Variants in PROSER2 observed in about 807,000 individuals in gnomAD.
The protein encoded by PROSER2 is proline and serine rich 2, also known as proline and serine-rich protein 2.
PROSER2 carries 18 observed loss-of-function variants against 14.6 expected under a neutral mutation model. The ratio of observed to expected loss-of-function variants is 1.23; its 90% CI spans 0.85 to 1.83. PROSER2 has a LOEUF of 1.83. Among genes scored for constraint, PROSER2 ranks in the 40% most tolerant of loss-of-function variants. The probability of loss-of-function intolerance (pLI) is 0.00; values close to 1 mark genes in which losing one functional copy is unlikely to be tolerated. For missense variants in PROSER2, 823 were observed against 629.8 expected (o/e 1.31, Z -3.28); for synonymous variants, 367 against 286.4 (o/e 1.28, Z -2.84).
chr10:11,870,661 TGA>T lies in PROSER2; in HGVS notation c.*266_*267del, dbSNP rs578159868. On this transcript the variant is annotated 3_prime_UTR_variant, in exon 4 of 4. Coordinates refer to ENST00000277570, the MANE Select transcript of PROSER2 (RefSeq NM_153256.4). ...GGCTTGTCTCCCTTTTCCCAAGAAC[TGA>T]GAGAGAGAGAATAACCTGTTAGACC... 127 of 424,154 alleles carry T rather than the reference TGA, an allele frequency of 3.0e-4. No individual in the cohort carries two copies. Among genetic ancestry groups the T allele is most frequent in the Middle Eastern group, 6.2e-4 (1 of 1,622 alleles). The allele number at this position is 424,154 out of a possible 1,614,324, so 26.3% of individuals were successfully genotyped here. A position where few individuals can be genotyped will look rare whatever the true frequency, so the allele number is the denominator to read the frequency against.
chr10:11,841,576 A>T (rs186186563), intron 1 of PROSER2, among the ~76,000 whole-genome samples: 19 of 152,202 alleles, frequency 1.2e-4, no homozygotes, highest in African/African-American at 4.6e-4. Flanking sequence ...ACAGGTTTCG[A>T]TAGGTAGCGT....
At chr10:11,847,887 G>C (rs554971282) in intron 1 of PROSER2, among the ~76,000 whole-genome samples, 2 of 152,172 alleles carry the variant, frequency 1.3e-5, no homozygotes, top group Admixed American at 6.5e-5. Context: ...CATCTTCATC[G>C]TCTCTTTTGT....
At position 11,836,576 on chromosome 10, in the gene PROSER2, G is replaced by T. The variant is rs1367799057; in HGVS notation, c.-82+13106G>T. On this transcript the variant is annotated intron_variant, in intron 1 of 3. Transcript: ENST00000277570. This position sits in a 1 kb window ranked among gnomAD's most constrained non-coding sequence, Gnocchi z 4.6. ...GGAACAAATCTTCACAAAATTCATGGTATGCACGCCGGCCCCTTCCTAGCG... is the reference window on the plus strand; with the variant it reads ...GGAACAAATCTTCACAAAATTCATGTTATGCACGCCGGCCCCTTCCTAGCG... 1.3e-5 allele frequency among the ~76,000 whole-genome samples: 2 copies of T among 152,132 alleles called. No homozygotes were observed. Among genetic ancestry groups the T allele is most frequent in the African/African-American group, 4.8e-5 (2 of 41,430 alleles).
rs768617268 is a variant in PROSER2 at position 11,830,201 on chromosome 10, G to A, written c.-82+6731G>A. ...TCCATGGACCTTCCCACCTTTTGGA[G>A]TCTCCCGTGTCCATTATTTCACTCT... On this transcript the variant is annotated intron_variant, in intron 1 of 3. Coordinates refer to ENST00000277570, the MANE Select transcript of PROSER2 (RefSeq NM_153256.4). This position sits in a 1 kb window ranked among gnomAD's most constrained non-coding sequence, Gnocchi z 4.5. Among the ~76,000 whole-genome samples the A allele has an allele frequency of 4.6e-5, 7 of 152,110 alleles. No individual in the cohort carries two copies. The highest frequency in any genetic ancestry group is 7.4e-5 in the Non-Finnish European group (5 of 68,016).
rs770912396 is a variant in PROSER2, at chr10:11,870,203, C to A, written c.1105C>A (p.Arg369Ser). The change falls in exon 4 of 4, where the codon CGC becomes AGC. Residue 369 changes from arginine to serine, a missense_variant. Arg to Ser is a moderately radical substitution (Grantham distance 110). Transcript: ENST00000277570. ...FAPAGKSLCF[R>S]PGPALPSTRA... is the part of the protein sequence containing the mutation. ...GCCCGCTGGGAAGTCCCTCTGCTTC[C>A]GCCCTGGCCCGGCCCTGCCCAGCAC... is the stretch of plus-strand genomic sequence containing the variant. 2 of 1,489,564 alleles carry A rather than the reference C, an allele frequency of 1.3e-6. No homozygotes were observed. Among genetic ancestry groups the A allele is most frequent in the Non-Finnish European group, 1.8e-6 (2 of 1,127,012 alleles). The allele number at this position is 1,489,564 out of a possible 1,614,324, so 92.3% of individuals were successfully genotyped here. A position where few individuals can be genotyped will look rare whatever the true frequency, so the allele number is the denominator to read the frequency against.
At chr10:11,858,640 A>T (rs970137946) in intron 2 of PROSER2, among the ~76,000 whole-genome samples, 1 of 152,192 alleles carries the variant, frequency 6.6e-6, no homozygotes, top group African/African-American at 2.4e-5. Flanking sequence ...GTAAAAATAC[A>T]TTGCTCACAT....
rs370513756 is a variant in PROSER2 at position 11,826,300 on chromosome 10, C to T, written c.-82+2830C>T. 1.1e-4 allele frequency among the ~76,000 whole-genome samples: 16 copies of T among 152,254 alleles called. 1 individual carries two copies. Among genetic ancestry groups the T allele is most frequent in the Admixed American group, 7.2e-4 (11 of 15,290 alleles). The stretch of plus-strand genomic sequence containing the variant: ...CAGATGAATGACTTTGGGTTGTTTC[C>T]ACCTTTTGGCTATTGTGAATAGTAC... On this transcript the variant is annotated intron_variant, in intron 1 of 3. Transcript: ENST00000277570.
chr10:11,852,261 G>T, intron 2 of PROSER2, 46 bp downstream of exon 2: 1 of 1,547,676 alleles, frequency 6.5e-7, no homozygotes, highest in South Asian at 1.2e-5. Context: ...CTGGGTCAGT[G>T]GATTTTGCCT....
chr10:11,870,187 G>C lies in PROSER2; in HGVS notation c.1089G>C (p.Gly363=), dbSNP rs1325258308. 2.0e-6 allele frequency: 3 copies of C among 1,487,508 alleles called. No homozygotes were observed. In the South Asian group the frequency reaches 3.8e-5, roughly 19 times the overall value. 92.1% of individuals were successfully genotyped at this position (1,487,508 alleles called of 1,614,324 possible). Residue 363 remains glycine, a synonymous_variant, in exon 4 of 4, where the codon GGG becomes GGC. Transcript: ENST00000277570. Reference sequence around the variant, plus strand: ...CACCCAGCTCCTTCGCGCCCGCTGGGAAGTCCCTCTGCTTCCGCCCTGGCC... The same window carrying C: ...CACCCAGCTCCTTCGCGCCCGCTGGCAAGTCCCTCTGCTTCCGCCCTGGCC... ...KSAPSSFAPA[G]KSLCFRPGPA... is the part of the protein sequence containing the mutation.
intron 1 of PROSER2, among the ~76,000 whole-genome samples, chr10:11,833,036 A>G (rs978789857): frequency 1.3e-5 from 2 of 151,270 alleles, no homozygotes; most frequent in African/African-American, 4.9e-5. Flanking sequence ...TAGAGACAGC[A>G]TTTCACCTTG....
Position 11,866,407 on chromosome 10 carries a change from A to T in PROSER2, c.139-124A>T. 1 of 1,096,514 alleles carries T rather than the reference A, an allele frequency of 9.1e-7. No homozygotes were observed. The highest frequency in any genetic ancestry group is 1.3e-6 in the Non-Finnish European group (1 of 751,174). 67.9% of individuals were successfully genotyped at this position (1,096,514 alleles called of 1,614,324 possible). On this transcript the variant is annotated intron_variant, in intron 2 of 3. Transcript: ENST00000277570. The surrounding 1 kb of genome is among the most constrained non-coding windows in gnomAD (Gnocchi z 6.0). ...ACACGCAGGCACTGTGTGGCAGGGT[A>T]CTCTCGGGACACAGTGAGTTCCGCC...
rs1834470217 is a variant in PROSER2, at chr10:11,870,704, T to G, written c.*298T>G. 1 of 310,112 alleles carries G rather than the reference T, an allele frequency of 3.2e-6. No homozygotes were observed. Among genetic ancestry groups the G allele is most frequent in the Admixed American group, 5.2e-5 (1 of 19,280 alleles). The allele number at this position is 310,112 out of a possible 1,614,324, so 19.2% of individuals were successfully genotyped here. A position where few individuals can be genotyped will look rare whatever the true frequency, so the allele number is the denominator to read the frequency against. ...CTGTTAGACCCATAGGTTTCCGTGA[T>G]GTGTAAATGCCATCTTTTGGGGGTT... is the stretch of plus-strand genomic sequence containing the variant. On this transcript the variant is annotated 3_prime_UTR_variant, in exon 4 of 4. Transcript: ENST00000277570.
At chr10:11,852,765 G>A (rs1010806420) in intron 2 of PROSER2, among the ~76,000 whole-genome samples, 3 of 118,546 alleles carry the variant, frequency 2.5e-5, no homozygotes, top group South Asian at 2.5e-4. Context: ...CTCGAACTCC[G>A]CCCACCTCAG....
intron 1 of PROSER2, among the ~76,000 whole-genome samples, chr10:11,825,626 G>A (rs1003228161): frequency 3.9e-5 from 6 of 152,306 alleles, no homozygotes; most frequent in African/African-American, 1.2e-4. Context: ...TGAAGGTGCC[G>A]CTTTCCATAA....
chr10:11,871,059 C>T lies in PROSER2; in HGVS notation c.*653C>T, dbSNP rs1834480138. Reference sequence around the variant, plus strand: ...GTGGTAATTTTGAGAAAGCAAGTCTCATCAGACTCTGAGGTCTGGGACGTG... The same window carrying T: ...GTGGTAATTTTGAGAAAGCAAGTCTTATCAGACTCTGAGGTCTGGGACGTG... On this transcript the variant is annotated 3_prime_UTR_variant, in exon 4 of 4. Coordinates refer to ENST00000277570, the MANE Select transcript of PROSER2 (RefSeq NM_153256.4). 1.3e-5 allele frequency: 2 copies of T among 152,210 alleles called. No homozygotes were observed. Among genetic ancestry groups the T allele is most frequent in the Non-Finnish European group, 2.9e-5 (2 of 68,044 alleles). 9.4% of individuals were successfully genotyped at this position (152,210 alleles called of 1,614,324 possible). A position where few individuals can be genotyped will look rare whatever the true frequency, so the allele number is the denominator to read the frequency against.
Position 11,824,664 on chromosome 10 carries a change from G to A in PROSER2, c.-82+1194G>A, listed in dbSNP as rs1833586262. On this transcript the variant is annotated intron_variant, in intron 1 of 3. Transcript: ENST00000277570. ...TTGCCAAAGTTGACAGCGTATGTAT[G>A]GAATCTTGTGTGTTTTCTTGTCCAG... Among the ~76,000 whole-genome samples, 4 of 152,282 alleles carry A rather than the reference G, an allele frequency of 2.6e-5. No homozygotes were observed. The Middle Eastern group carries it at 0.01, about 388-fold the overall frequency.
At position 11,862,090 on chromosome 10, in the gene PROSER2, G is replaced by T. The variant is rs767725141; in HGVS notation, c.139-4441G>T. 6.6e-6 allele frequency among the ~76,000 whole-genome samples: 1 copy of T among 152,188 alleles called. No homozygotes were observed. Among genetic ancestry groups the T allele is most frequent in the East Asian group, 1.9e-4 (1 of 5,196 alleles). ...TCGGACCCAGGAATGTTTCTGACAA[G>T]TTCACAGATGCTGCTTCTGGTCCAG... is the stretch of plus-strand genomic sequence containing the variant. On this transcript the variant is annotated intron_variant, in intron 2 of 3. Coordinates refer to ENST00000277570, the MANE Select transcript of PROSER2 (RefSeq NM_153256.4). The surrounding 1 kb of genome is among the most constrained non-coding windows in gnomAD (Gnocchi z 4.2).
chr10:11,859,690 A>C (rs1420381645), intron 2 of PROSER2, among the ~76,000 whole-genome samples: 1 of 152,182 alleles, frequency 6.6e-6, no homozygotes, highest in Non-Finnish European at 1.5e-5. Context: ...AAGGACCACC[A>C]GGCGATGCCT....
rs111981270 is a variant in PROSER2 at position 11,826,822 on chromosome 10, C to T, written c.-82+3352C>T. Among the ~76,000 whole-genome samples the T allele has an allele frequency of 6.6e-3, 1,005 of 151,610 alleles. 15 individuals carry two copies. The highest frequency in any genetic ancestry group is 0.023 in the African/African-American group (963 of 41,276). On this transcript the variant is annotated intron_variant, in intron 1 of 3. Transcript: ENST00000277570. ...GTCTTGATCTCCTGACCTCGTGATCCGCCGGCTTCGGCCTCCCAAAGTGCT... is the reference window on the plus strand; with the variant it reads ...GTCTTGATCTCCTGACCTCGTGATCTGCCGGCTTCGGCCTCCCAAAGTGCT...
Sources: gnomAD v4.1 joint callset for allele counts (sites outside exome capture counted in the v4.1 genomes callset) on GRCh38, gnomAD v4.1.1 for gene constraint, Gnocchi (gnomAD v3.1) non-coding constraint, MANE v1.5 for transcripts, NCBI Gene and HGNC (gene_info 2026-07-23, HGNC 2026-07-21) for gene names.